Variants in RAB11A observed in about 807,000 individuals in gnomAD.
RAB11A encodes RAB11A, member RAS oncogene family, also known as ras-related protein Rab-11A.
A neutral mutation model predicts 28.0 loss-of-function variants in RAB11A; 9 were observed. That is an observed-to-expected ratio of 0.32 (90% CI 0.19 to 0.56). The LOEUF (loss-of-function observed/expected upper bound fraction) is 0.56. Ranked by LOEUF, RAB11A falls within the 20% of genes least tolerant of loss-of-function variation. RAB11A has a pLI of 0.91. For synonymous variants in RAB11A, 85 were observed against 88.2 expected (o/e 0.96, Z 0.20); for missense variants, 108 against 269.6 (o/e 0.40, Z 4.20).
At position 65,887,197 on chromosome 15, in the gene RAB11A, C is replaced by T. The variant is rs1415021245; in HGVS notation, c.512-504C>T. On this transcript the variant is annotated intron_variant, in intron 4 of 4. Coordinates refer to ENST00000261890, the MANE Select transcript of RAB11A (RefSeq NM_004663.5). ...TACCTCTTTTTTTTTTTTTTGAGAC[C>T]GAGTCTTGCTCTGTTGTCTAGGCTG... is the stretch of plus-strand genomic sequence containing the variant. 1.5e-4 allele frequency among the ~76,000 whole-genome samples: 23 copies of T among 149,650 alleles called. 1 individual carries two copies. Among genetic ancestry groups the T allele is most frequent in the African/African-American group, 5.6e-4 (23 of 40,714 alleles).
Position 65,869,518 on chromosome 15 carries a change from C to T in RAB11A, c.-68C>T, listed in dbSNP as rs928515049. On this transcript the variant is annotated 5_prime_UTR_variant, in exon 1 of 5. Transcript: ENST00000261890. Reference sequence around the variant, plus strand: ...TTGAAGCTCGGCGCTCGGGTTACCCCTGCAGCGACGCCCCCTGGTCCCACA... The same window carrying T: ...TTGAAGCTCGGCGCTCGGGTTACCCTTGCAGCGACGCCCCCTGGTCCCACA... The T allele has an allele frequency of 2.3e-5, 36 of 1,582,730 alleles. No individual in the cohort carries two copies. The highest frequency in any genetic ancestry group is 2.4e-5 in the Non-Finnish European group (28 of 1,165,978).
intron 1 of RAB11A, among the ~76,000 whole-genome samples, chr15:65,871,845 A>G (rs1337322405): frequency 6.6e-6 from 1 of 150,444 alleles, no homozygotes; most frequent in East Asian, 1.9e-4. Flanking sequence ...AAATAATGAG[A>G]CTGTTCGTAA....
intron 1 of RAB11A, among the ~76,000 whole-genome samples, chr15:65,876,134 G>A (rs2078190077): frequency 6.6e-6 from 1 of 151,952 alleles, no homozygotes; most frequent in Non-Finnish European, 1.5e-5. Context: ...ATTCTTAAGC[G>A]TAATACCACT....
intron 4 of RAB11A, among the ~76,000 whole-genome samples, chr15:65,881,018 C>T (rs1022557454): frequency 1.3e-5 from 2 of 152,084 alleles, no homozygotes; most frequent in Non-Finnish European, 2.9e-5. Context: ...ACTTATCTAT[C>T]CCTGGTATAT....
intron 4 of RAB11A, among the ~76,000 whole-genome samples, chr15:65,883,280 CCTCTAAT>C: frequency 6.6e-6 from 1 of 152,320 alleles, no homozygotes; most frequent in East Asian, 1.9e-4. Flanking sequence ...TCTTTAGTCT[CCTCTAAT>C]CTCGAACAGT....
chr15:65,870,335 T>C (rs1221156335), intron 1 of RAB11A, among the ~76,000 whole-genome samples: 1 of 152,242 alleles, frequency 6.6e-6, no homozygotes, highest in African/African-American at 2.4e-5. Context: ...AAATCGTGTT[T>C]AGAGCTCCCT....
chr15:65,879,792 G>A lies in RAB11A; in HGVS notation c.511+41G>A, dbSNP rs1411208859. The A allele has an allele frequency of 2.1e-6, 3 of 1,417,882 alleles. No individual in the cohort carries two copies. The African/African-American group carries it at 4.3e-5, about 21-fold the overall frequency. 87.8% of individuals were successfully genotyped at this position (1,417,882 alleles called of 1,614,324 possible). A position where few individuals can be genotyped will look rare whatever the true frequency, so the allele number is the denominator to read the frequency against. ...TCAGATTACACCAGTAGGACTAGAA[G>A]TTTTAGGAAGGTAATTTAAACAAAC... On this transcript the variant is annotated intron_variant, in intron 4 of 4. Transcript: ENST00000261890.
chr15:65,873,326 T>C (rs1030650015), intron 1 of RAB11A, among the ~76,000 whole-genome samples: 8 of 152,220 alleles, frequency 5.3e-5, no homozygotes, highest in Non-Finnish European at 5.9e-5. Flanking sequence ...AATATCTGGA[T>C]ACATAGTCTA....
chr15:65,885,055 T>C (rs1031848410), intron 4 of RAB11A, among the ~76,000 whole-genome samples: 24 of 146,152 alleles, frequency 1.6e-4, no homozygotes, highest in Non-Finnish European at 3.6e-4. Context: ...TGAGTGAGAC[T>C]CTGTCTCAAA....
rs200136737 is a variant in RAB11A at position 65,890,058 on chromosome 15, ATT to A, written c.*2234_*2235del. On this transcript the variant is annotated 3_prime_UTR_variant, in exon 5 of 5. Coordinates refer to ENST00000261890, the MANE Select transcript of RAB11A (RefSeq NM_004663.5). ...TGATTTTCAGTTATTTTAACTTTGAATTTTTTTTTTTTTTTTTGAGACGGAGT... is the reference window on the plus strand; with the variant it reads ...TGATTTTCAGTTATTTTAACTTTGAATTTTTTTTTTTTTTTGAGACGGAGT... 14 of 142,384 alleles carry A rather than the reference ATT, an allele frequency of 9.8e-5. No individual in the cohort carries two copies. Among genetic ancestry groups the A allele is most frequent in the East Asian group, 2.0e-4 (1 of 4,916 alleles). The allele number at this position is 142,384 out of a possible 1,614,324, so 8.8% of individuals were successfully genotyped here. A position where few individuals can be genotyped will look rare whatever the true frequency, so the allele number is the denominator to read the frequency against.
rs1446276366 is a variant in RAB11A, at chr15:65,888,877, TGA to T, written c.*1041_*1042del. 6.6e-6 allele frequency: 1 copy of T among 152,538 alleles called. No individual in the cohort carries two copies. The highest frequency in any genetic ancestry group is 1.5e-5 in the Non-Finnish European group (1 of 68,020). The allele number at this position is 152,538 out of a possible 1,614,324, so 9.4% of individuals were successfully genotyped here. A position where few individuals can be genotyped will look rare whatever the true frequency, so the allele number is the denominator to read the frequency against. ...GTTTCAGTATGTCTGAAGAGTACAG[TGA>T]GAGGTTAATTTCTGCTCAAGTGGTA... On this transcript the variant is annotated 3_prime_UTR_variant, in exon 5 of 5. Coordinates refer to ENST00000261890, the MANE Select transcript of RAB11A (RefSeq NM_004663.5).
In RAB11A at chr15:65,877,597, G is replaced by A; in HGVS notation, c.236+70G>A. The A allele has an allele frequency of 6.8e-7, 1 of 1,468,818 alleles. No individual in the cohort carries two copies. 91.0% of individuals were successfully genotyped at this position (1,468,818 alleles called of 1,614,324 possible). On this transcript the variant is annotated intron_variant, in intron 2 of 4. Coordinates refer to ENST00000261890, the MANE Select transcript of RAB11A (RefSeq NM_004663.5). The surrounding 1 kb of genome is among the most constrained non-coding windows in gnomAD (Gnocchi z 4.1). ...AGTGAATTAGCTGACTTTTGGTATTGGAAAAAGAACTGTTGTTTTTTTCTT... is the reference window on the plus strand; with the variant it reads ...AGTGAATTAGCTGACTTTTGGTATTAGAAAAAGAACTGTTGTTTTTTTCTT...
At position 65,873,565 on chromosome 15, in the gene RAB11A, A is replaced by T. The variant is rs184945914; in HGVS notation, c.41-3767A>T. ...TCTATATCTATATCTATATATATAT[A>T]TTTTTTGAGGCAGGGTCTCCCTCTG... On this transcript the variant is annotated intron_variant, in intron 1 of 4. Coordinates refer to ENST00000261890, the MANE Select transcript of RAB11A (RefSeq NM_004663.5). 2.5e-3 allele frequency among the ~76,000 whole-genome samples: 375 copies of T among 151,856 alleles called. 1 individual carries two copies. The highest frequency in any genetic ancestry group is 8.5e-3 in the African/African-American group (353 of 41,438).
intron 1 of RAB11A, among the ~76,000 whole-genome samples, chr15:65,870,337 GA>G (rs1351732697): frequency 6.6e-6 from 1 of 152,204 alleles, no homozygotes; most frequent in Non-Finnish European, 1.5e-5. Flanking sequence ...ATCGTGTTTA[GA>G]GCTCCCTTGT....
chr15:65,887,570 A>T, intron 4 of RAB11A, 131 bp from the exon 5 acceptor site: 2 of 848,908 alleles, frequency 2.4e-6, no homozygotes, highest in Non-Finnish European at 3.3e-6. Flanking sequence ...ATAAAACTTT[A>T]AATTTATGTA....
intron 1 of RAB11A, among the ~76,000 whole-genome samples, chr15:65,870,344 C>G (rs904332241): frequency 3.9e-5 from 6 of 152,234 alleles, no homozygotes; most frequent in African/African-American, 1.4e-4. Flanking sequence ...TTAGAGCTCC[C>G]TTGTCTCCGT....
chr15:65,869,971 G>T, intron 1 of RAB11A: 1 of 223,980 alleles, frequency 4.5e-6, no homozygotes, highest in Non-Finnish European at 8.8e-6. Context: ...TTCGGGTGTA[G>T]CGCCCCCTCC....
intron 1 of RAB11A, among the ~76,000 whole-genome samples, chr15:65,876,063 T>C (rs2078189742): frequency 6.6e-6 from 1 of 152,242 alleles, no homozygotes; most frequent in African/African-American, 2.4e-5. Flanking sequence ...TTTTGAACTT[T>C]AAATTCAGAT....
chr15:65,888,188 A>C lies in RAB11A; in HGVS notation c.*348A>C, dbSNP rs1186615312. On this transcript the variant is annotated 3_prime_UTR_variant, in exon 5 of 5. Transcript: ENST00000261890. ...CTATTGGTCTTGATCAAATCAAACT[A>C]AGAAGACCTTAGAAATAAGCTACCA... 1 of 176,010 alleles carries C rather than the reference A, an allele frequency of 5.7e-6. No homozygotes were observed. The highest frequency in any genetic ancestry group is 1.2e-5 in the Non-Finnish European group (1 of 84,306). The allele number at this position is 176,010 out of a possible 1,614,324, so 10.9% of individuals were successfully genotyped here. A position where few individuals can be genotyped will look rare whatever the true frequency, so the allele number is the denominator to read the frequency against.
Sources: gnomAD v4.1 joint callset for allele counts (sites outside exome capture counted in the v4.1 genomes callset) on GRCh38, gnomAD v4.1.1 for gene constraint, Gnocchi (gnomAD v3.1) non-coding constraint, MANE v1.5 for transcripts, NCBI Gene and HGNC (gene_info 2026-07-23, HGNC 2026-07-21) for gene names.